Variants in ZNF613 observed in about 807,000 individuals in gnomAD.
ZNF613 encodes zinc finger protein 613.
Under a neutral mutation model 14.3 loss-of-function variants are expected in ZNF613, and 8 were observed. The ratio of observed to expected loss-of-function variants is 0.56; its 90% CI spans 0.33 to 1.01. The LOEUF (loss-of-function observed/expected upper bound fraction) is 1.01. Ranked by LOEUF, ZNF613 falls within the 50% of genes least tolerant of loss-of-function variation. The pLI, the probability that ZNF613 is intolerant of heterozygous loss-of-function variation, is 0.03. For missense variants in ZNF613, 656 were observed against 741.9 expected (o/e 0.88, Z 1.35); for synonymous variants, 228 against 254.5 (o/e 0.90, Z 0.99).
intron 5 of ZNF613, among the ~76,000 whole-genome samples, chr19:51,941,440 C>T (rs1193050309): frequency 2.0e-5 from 3 of 151,440 alleles, no homozygotes; most frequent in African/African-American, 7.3e-5. Context: ...CTATACCTTT[C>T]TGCCCCTTTA....
chr19:51,944,069 T>C (rs370388301), intron 5 of ZNF613, 50 bp from the exon 6 acceptor site: 17 of 1,453,450 alleles, frequency 1.2e-5, no homozygotes, highest in Admixed American at 5.2e-5. Flanking sequence ...GTTTGTGAAA[T>C]AGTTCTATTC....
Position 51,944,345 on chromosome 19 carries a change from T to C in ZNF613, c.462T>C (p.Ser154=). The C allele has an allele frequency of 2.5e-6, 4 of 1,595,924 alleles. No individual in the cohort carries two copies. The highest frequency in any genetic ancestry group is 3.4e-6 in the Non-Finnish European group (4 of 1,167,148). Reference sequence around the variant, plus strand: ...ACAAAAGGTATGAAATCAAGAATTCTGTGGGGGTTAATGGAGATGGGAAAT... The same window carrying C: ...ACAAAAGGTATGAAATCAAGAATTCCGTGGGGGTTAATGGAGATGGGAAAT... ...NQNKRYEIKN[S]VGVNGDGKSF... Residue 154 remains serine, a synonymous_variant, in exon 6 of 6, where the codon TCT becomes TCC. Coordinates refer to ENST00000293471, the MANE Select transcript of ZNF613 (RefSeq NM_001031721.4).
rs2085387150 is a variant in ZNF613 at position 51,945,150 on chromosome 19, A to G, written c.1267A>G (p.Thr423Ala). The change falls in exon 6 of 6, where the codon ACT becomes GCT. Residue 423 changes from threonine to alanine, a missense_variant. Physicochemically the swap from Thr to Ala is moderately conservative, Grantham distance 58 (BLOSUM62 0). Coordinates refer to ENST00000293471, the MANE Select transcript of ZNF613 (RefSeq NM_001031721.4). ...CCTCCTTATTCATCGACGTACTCACACTGGAGAGAAACCCTATGTATGCAA... is the reference window on the plus strand; with the variant it reads ...CCTCCTTATTCATCGACGTACTCACGCTGGAGAGAAACCCTATGTATGCAA... ...GNLLIHRRTHTGEKPYVCNEC... is the reference protein window; with the variant it reads ...GNLLIHRRTHAGEKPYVCNEC... The G allele has an allele frequency of 6.2e-7, 1 of 1,614,088 alleles. No individual in the cohort carries two copies. The highest frequency in any genetic ancestry group is 2.2e-5 in the East Asian group (1 of 44,898).
intron 3 of ZNF613, among the ~76,000 whole-genome samples, chr19:51,938,725 G>GATAGATATATATATAT (rs1413058995): frequency 1.7e-5 from 2 of 118,880 alleles, no homozygotes; most frequent in African/African-American, 8.0e-5. Context: ...AATGTACATG[G>GATAGATATATATATAT]ATATATATAT....
rs140710174 is a variant in ZNF613, at chr19:51,940,472, G to A, written c.142+137G>A. ...ACCCTCTCTGGCCCCAGATAAAAGA[G>A]TGTAATGTGCCCCCTTTAGAGGGAA... On this transcript the variant is annotated intron_variant, in intron 4 of 5. Coordinates refer to ENST00000293471, the MANE Select transcript of ZNF613 (RefSeq NM_001031721.4). The A allele has an allele frequency of 4.8e-4, 732 of 1,521,264 alleles. 4 individuals carry two copies. The East Asian group carries it at 0.011, about 22-fold the overall frequency. The allele number at this position is 1,521,264 out of a possible 1,614,324, so 94.2% of individuals were successfully genotyped here.
At chr19:51,940,178 C>T (rs766413181) in intron 3 of ZNF613, 31 bp from the exon 4 acceptor site, 1 of 1,609,588 alleles carries the variant, frequency 6.2e-7, no homozygotes, top group Non-Finnish European at 8.5e-7. Flanking sequence ...GAGAGAAATA[C>T]TTCATATTAA....
chr19:51,945,820 T>TGA lies in ZNF613; in HGVS notation c.*84_*85dup. 1 of 1,442,338 alleles carries TGA rather than the reference T, an allele frequency of 6.9e-7. No homozygotes were observed. Among genetic ancestry groups the TGA allele is most frequent in the Non-Finnish European group, 9.4e-7 (1 of 1,068,738 alleles). 89.3% of individuals were successfully genotyped at this position (1,442,338 alleles called of 1,614,324 possible). A position where few individuals can be genotyped will look rare whatever the true frequency, so the allele number is the denominator to read the frequency against. On this transcript the variant is annotated 3_prime_UTR_variant, in exon 6 of 6. Coordinates refer to ENST00000293471, the MANE Select transcript of ZNF613 (RefSeq NM_001031721.4). ...TCACAAAAAACACAGAGGAACAAAC[T>TGA]GATATATTCAAGGTGGAAAGCCCTT...
chr19:51,928,405 T>C (rs1425558875), intron 1 of ZNF613, among the ~76,000 whole-genome samples: 1 of 152,160 alleles, frequency 6.6e-6, no homozygotes, highest in African/African-American at 2.4e-5. Flanking sequence ...GGCATCCTGA[T>C]TGGTGTGTGT....
intron 2 of ZNF613, 75 bp from the exon 3 acceptor site, chr19:51,935,953 T>A (rs1248236554): frequency 2.6e-6 from 1 of 383,620 alleles, no homozygotes; most frequent in Non-Finnish European, 4.6e-6. Context: ...GGCCTTGCAT[T>A]AAGGTGAGAA....
At chr19:51,931,473 A>G (rs1030564862) in intron 2 of ZNF613, among the ~76,000 whole-genome samples, 2 of 152,306 alleles carry the variant, frequency 1.3e-5, no homozygotes, top group African/African-American at 2.4e-5. Flanking sequence ...TTGATTATTT[A>G]TACTTGATTC....
chr19:51,928,938 T>C (rs369546955), intron 1 of ZNF613, among the ~76,000 whole-genome samples: 1 of 152,060 alleles, frequency 6.6e-6, no homozygotes, highest in South Asian at 2.1e-4. Context: ...TATTAAAGAT[T>C]TTCGTTCTTC....
chr19:51,939,263 G>A (rs2085328824), intron 3 of ZNF613, among the ~76,000 whole-genome samples: 1 of 151,502 alleles, frequency 6.6e-6, no homozygotes, highest in Non-Finnish European at 1.5e-5. Context: ...ACCCATATGT[G>A]TGTGTATGGT....
chr19:51,940,168 G>A, intron 3 of ZNF613, 41 bp from the exon 4 acceptor site: 1 of 1,607,006 alleles, frequency 6.2e-7, no homozygotes, highest in Non-Finnish European at 8.5e-7. Context: ...CCATATAAAT[G>A]AGAGAAATAC....
At chr19:51,929,474 A>G (rs2085246593) in intron 1 of ZNF613, among the ~76,000 whole-genome samples, 1 of 152,152 alleles carries the variant, frequency 6.6e-6, no homozygotes, top group African/African-American at 2.4e-5. Context: ...GTTCTCTTCT[A>G]ATTTACTCTT....
chr19:51,933,257 C>A (rs1399158603), intron 2 of ZNF613, among the ~76,000 whole-genome samples: 2 of 152,174 alleles, frequency 1.3e-5, no homozygotes, highest in East Asian at 3.9e-4. Context: ...TTTCCTCCTA[C>A]CTTTTTCTCA....
intron 2 of ZNF613, among the ~76,000 whole-genome samples, chr19:51,934,999 A>G (rs1169347985): frequency 6.6e-6 from 1 of 152,176 alleles, no homozygotes; most frequent in Non-Finnish European, 1.5e-5. Flanking sequence ...GCTGTGGGTT[A>G]AAGGATGAGT....
rs764016631 is a variant in ZNF613 at position 51,945,151 on chromosome 19, C to T, written c.1268C>T (p.Thr423Ile). The change falls in exon 6 of 6, where the codon ACT becomes ATT. Residue 423 changes from threonine (T) to isoleucine (I), a missense_variant. Coordinates refer to ENST00000293471, the MANE Select transcript of ZNF613 (RefSeq NM_001031721.4). The stretch of plus-strand genomic sequence containing the variant: ...CTCCTTATTCATCGACGTACTCACA[C>T]TGGAGAGAAACCCTATGTATGCAAT... ...GNLLIHRRTH[T>I]GEKPYVCNEC... 6.2e-7 allele frequency: 1 copy of T among 1,614,214 alleles called. No individual in the cohort carries two copies. The highest frequency in any genetic ancestry group is 8.5e-7 in the Non-Finnish European group (1 of 1,180,014).
chr19:51,943,523 C>T (rs556370114), intron 5 of ZNF613, among the ~76,000 whole-genome samples: 269 of 152,288 alleles, frequency 1.8e-3, no homozygotes, highest in Admixed American at 3.8e-3. Context: ...TTCAAGTAAC[C>T]TTTGTTTTAC....
intron 2 of ZNF613, among the ~76,000 whole-genome samples, chr19:51,933,950 C>G (rs1012262498): frequency 6.6e-6 from 1 of 152,112 alleles, no homozygotes; most frequent in Non-Finnish European, 1.5e-5. Flanking sequence ...AGACATGTGC[C>G]ACCACACCTG....
Sources: gnomAD v4.1 joint callset for allele counts (sites outside exome capture counted in the v4.1 genomes callset) on GRCh38, gnomAD v4.1.1 for gene constraint, MANE v1.5 for transcripts, NCBI Gene and HGNC (gene_info 2026-07-23, HGNC 2026-07-21) for gene names.